Variants in FAM120A observed in about 807,000 individuals in gnomAD.
FAM120A encodes the protein constitutive coactivator of PPAR-gamma-like protein 1.
In FAM120A, 15 loss-of-function variants were observed where a neutral mutation model predicts 109.7. That is an observed-to-expected ratio of 0.14 (90% CI 0.09 to 0.21). The LOEUF (loss-of-function observed/expected upper bound fraction) is 0.21, where lower values mean the gene tolerates loss of function less well. Ranked by LOEUF, FAM120A falls within the 10% of genes least tolerant of loss-of-function variation. FAM120A has a pLI of 1.00. For missense variants in FAM120A, 899 were observed against 1,439.3 expected, an observed-to-expected ratio of 0.62 and a Z score of 6.07; for synonymous variants, 493 against 572.8, an observed-to-expected ratio of 0.86 and a Z score of 1.99.
In FAM120A at chr9:93,564,596, T is replaced by G; in HGVS notation, c.*56T>G. 6.9e-7 allele frequency: 1 copy of G among 1,442,760 alleles called. No individual in the cohort carries two copies. The highest frequency in any genetic ancestry group is 1.4e-5 in the African/African-American group (1 of 70,448). 89.4% of individuals were successfully genotyped at this position (1,442,760 alleles called of 1,614,324 possible). ...GGAAGGGTAAGGATTTAGGAATATC[T>G]GGAGAGAAAGAGAGCCTGCAGTTAT... On this transcript the variant is annotated 3_prime_UTR_variant, in exon 18 of 18. Transcript: ENST00000277165.
chr9:93,490,373 C>T (rs1175673608), intron 3 of FAM120A, among the ~76,000 whole-genome samples: 2 of 152,166 alleles, frequency 1.3e-5, no homozygotes. Flanking sequence ...CTTATACATC[C>T]CACAGGAATA....
chr9:93,554,027 T>A (rs1371433841), intron 12 of FAM120A, among the ~76,000 whole-genome samples: 2 of 152,012 alleles, frequency 1.3e-5, no homozygotes, highest in Non-Finnish European at 2.9e-5. Flanking sequence ...CTCTATTAGA[T>A]TAATGCTAAT....
intron 17 of FAM120A, among the ~76,000 whole-genome samples, chr9:93,563,904 A>C (rs1309051652): frequency 1.3e-5 from 2 of 152,218 alleles, no homozygotes; most frequent in Non-Finnish European, 2.9e-5. Context: ...TCGCAATTTT[A>C]GAGAGGACTT....
At chr9:93,557,127 G>T (rs1459833949) in intron 13 of FAM120A, among the ~76,000 whole-genome samples, 44 of 120,178 alleles carry the variant, frequency 3.7e-4, no homozygotes, top group South Asian at 1.5e-3. Flanking sequence ...GTTTGTTTTG[G>T]TTTTTTTTTT....
At chr9:93,461,856 A>G (rs531432313) in intron 1 of FAM120A, among the ~76,000 whole-genome samples, 2 of 152,342 alleles carry the variant, frequency 1.3e-5, no homozygotes, top group South Asian at 2.1e-4. Flanking sequence ...TTCAACTGGT[A>G]AGCATAATAA....
intron 10 of FAM120A, among the ~76,000 whole-genome samples, chr9:93,535,248 A>T (rs1861475391): frequency 6.6e-6 from 1 of 152,206 alleles, no homozygotes; most frequent in African/African-American, 2.4e-5. Flanking sequence ...TGCTAAACAA[A>T]TTGCAGTCTT....
chr9:93,536,343 C>T (rs1861515881), intron 10 of FAM120A, among the ~76,000 whole-genome samples: 1 of 152,240 alleles, frequency 6.6e-6, no homozygotes, highest in African/African-American at 2.4e-5. Context: ...ACCCAGCCCT[C>T]TGCATATGGG....
At position 93,472,835 on chromosome 9, in the gene FAM120A, G is replaced by A. The variant is rs149859339; in HGVS notation, c.721+1448G>A. On this transcript the variant is annotated intron_variant, in intron 2 of 17. Coordinates refer to ENST00000277165, the MANE Select transcript of FAM120A (RefSeq NM_014612.5). ...TATTGATTTCTATTTCTCCCAATCG[G>A]TCTCAAAGGAGAGTACATTTTAAGT... Among the ~76,000 whole-genome samples the A allele has an allele frequency of 3.6e-3, 547 of 152,176 alleles. 4 individuals carry two copies. Among genetic ancestry groups the A allele is most frequent in the African/African-American group, 0.012 (509 of 41,492 alleles).
rs896096423 is a variant in FAM120A at position 93,542,570 on chromosome 9, G to A, written c.1910-652G>A. On this transcript the variant is annotated intron_variant, in intron 10 of 17. Transcript: ENST00000277165. ...TAGAACTTCTTGTCTTTTTTGAGGC[G>A]AAATGTTGGATAACTTTACACTCTG... Among the ~76,000 whole-genome samples, 6 of 152,110 alleles carry A rather than the reference G, an allele frequency of 3.9e-5. No individual in the cohort carries two copies. The South Asian group carries it at 6.2e-4, about 16-fold the overall frequency.
rs1178521487 is a variant in FAM120A at position 93,476,311 on chromosome 9, T to G, written c.777T>G (p.Gly259=). The G allele has an allele frequency of 8.1e-6, 13 of 1,608,230 alleles. No individual in the cohort carries two copies. Among genetic ancestry groups the G allele is most frequent in the Non-Finnish European group, 1.1e-5 (13 of 1,174,984 alleles). ...CTTCCTTTCACTGGAGTTTACTTGG[T>G]CCAGAACATCCACTAGCCTCACTAA... is the stretch of plus-strand genomic sequence containing the variant. ...DLASFHWSLL[G]PEHPLASLKV... is the part of the protein sequence containing the mutation. The change falls in exon 3 of 18, where the codon GGT becomes GGG. Residue 259 remains glycine, a synonymous_variant. Transcript: ENST00000277165.
chr9:93,556,436 G>A lies in FAM120A; in HGVS notation c.2329G>A (p.Val777Ile). 1 of 1,614,232 alleles carries A rather than the reference G, an allele frequency of 6.2e-7. No individual in the cohort carries two copies. Among genetic ancestry groups the A allele is most frequent in the Non-Finnish European group, 8.5e-7 (1 of 1,180,042 alleles). Residue 777 changes from valine to isoleucine, a missense_variant, in exon 13 of 18, where the codon GTA (valine) becomes ATA (isoleucine). Transcript: ENST00000277165. The stretch of plus-strand genomic sequence containing the variant: ...GCTATCAGCTCTCTTCATGAGTGGA[G>A]TAGACATGGCCTTGTTTGCAAATGA... ...IQLSALFMSGVDMALFANDAC... is the reference protein window; with the variant it reads ...IQLSALFMSGIDMALFANDAC...
intron 1 of FAM120A, among the ~76,000 whole-genome samples, chr9:93,455,441 A>G (rs886502360): frequency 6.6e-6 from 1 of 152,226 alleles, no homozygotes; most frequent in African/African-American, 2.4e-5. Context: ...ACCATACATT[A>G]AAATCAGAAC....
At chr9:93,503,505 A>G (rs936338228) in intron 5 of FAM120A, among the ~76,000 whole-genome samples, 10 of 152,338 alleles carry the variant, frequency 6.6e-5, no homozygotes, top group Admixed American at 3.3e-4. Flanking sequence ...GTGCGATTCC[A>G]ACTATAGGAC....
chr9:93,526,795 A>C (rs1196665394), intron 7 of FAM120A, among the ~76,000 whole-genome samples: 1 of 152,194 alleles, frequency 6.6e-6, no homozygotes, highest in Non-Finnish European at 1.5e-5. Flanking sequence ...ACTACCTCAT[A>C]ATTGCCAATT....
intron 7 of FAM120A, among the ~76,000 whole-genome samples, chr9:93,517,125 C>T (rs1470662193): frequency 1.3e-5 from 2 of 152,112 alleles, no homozygotes; most frequent in African/African-American, 4.8e-5. Context: ...TGTCCTCTGT[C>T]CATCTGTGAA....
chr9:93,537,625 A>G (rs868231804), intron 10 of FAM120A, among the ~76,000 whole-genome samples: 6 of 152,144 alleles, frequency 3.9e-5, no homozygotes, highest in South Asian at 4.2e-4. Context: ...AGATTTTCCT[A>G]TATTGATTCC....
At position 93,521,551 on chromosome 9, in the gene FAM120A, C is replaced by T. The variant is rs182397271; in HGVS notation, c.1418+5282C>T. On this transcript the variant is annotated intron_variant, in intron 7 of 17. Coordinates refer to ENST00000277165, the MANE Select transcript of FAM120A (RefSeq NM_014612.5). Reference sequence around the variant, plus strand: ...GAGCCATGATGGCACCACTGCAGTCCAGCCGGGCAACAGAATGAGTCCCTG... The same window carrying T: ...GAGCCATGATGGCACCACTGCAGTCTAGCCGGGCAACAGAATGAGTCCCTG... Among the ~76,000 whole-genome samples, 39 of 150,930 alleles carry T rather than the reference C, an allele frequency of 2.6e-4. No individual in the cohort carries two copies. In the East Asian group the frequency reaches 3.1e-3, roughly 12 times the overall value.
Position 93,452,245 on chromosome 9 carries a change from G to A in FAM120A, c.330G>A (p.Lys110=). 1 of 1,611,140 alleles carries A rather than the reference G, an allele frequency of 6.2e-7. No individual in the cohort carries two copies. Among genetic ancestry groups the A allele is most frequent in the Non-Finnish European group, 8.5e-7 (1 of 1,179,436 alleles). The change falls in exon 1 of 18, where the codon AAG becomes AAA. Residue 110 remains lysine, a synonymous_variant. Coordinates refer to ENST00000277165, the MANE Select transcript of FAM120A (RefSeq NM_014612.5). This position sits in a 1 kb window ranked among gnomAD's most constrained non-coding sequence, Gnocchi z 7.0. ...AGGCCCGGCTGCACGAGTGGGTCAA[G>A]CGGCAGGGCAACGAGCGCCAGACGG... The part of the protein sequence containing the change: ...LEKARLHEWV[K]RQGNERQTAQ...
rs932822211 is a variant in FAM120A at position 93,529,780 on chromosome 9, A to G, written c.1734+200A>G. 10 of 620,822 alleles carry G rather than the reference A, an allele frequency of 1.6e-5. No individual in the cohort carries two copies. The African/African-American group carries it at 1.7e-4, about 10-fold the overall frequency. The allele number at this position is 620,822 out of a possible 1,614,324, so 38.5% of individuals were successfully genotyped here. ...AAATAGTTTTAAAATAACTCGTGAA[A>G]AGTCTCACTTTTTTCCTTCAACTTA... On this transcript the variant is annotated intron_variant, in intron 9 of 17. Transcript: ENST00000277165.
Sources: gnomAD v4.1 joint callset for allele counts (sites outside exome capture counted in the v4.1 genomes callset) on GRCh38, gnomAD v4.1.1 for gene constraint, Gnocchi (gnomAD v3.1) non-coding constraint, MANE v1.5 for transcripts, NCBI Gene and HGNC (gene_info 2026-07-23, HGNC 2026-07-21) for gene names.